PRKCA: variants seen among roughly 807,000 people sequenced by gnomAD.
The protein encoded by PRKCA is protein kinase C alpha, also known as protein kinase C alpha type.
Under a neutral mutation model 87.0 loss-of-function variants are expected in PRKCA, and 27 were observed. The observed-to-expected ratio is 0.31, with a 90% CI of 0.23 to 0.43. PRKCA has a LOEUF of 0.43. PRKCA is among the 20% of genes least tolerant of loss of function. The probability of loss-of-function intolerance (pLI) is 1.00; values close to 1 mark genes in which losing one functional copy is unlikely to be tolerated. For missense variants in PRKCA, 518 were observed against 852.3 expected (o/e 0.61, Z 4.88); for synonymous variants, 329 against 311.1 (o/e 1.06, Z -0.61).
intron 2 of PRKCA, among the ~76,000 whole-genome samples, chr17:66,369,108 A>C (rs1790450877): frequency 6.6e-6 from 1 of 152,250 alleles, no homozygotes; most frequent in Middle Eastern, 3.2e-3. Context: ...TGTTAGCCAT[A>C]ATTCAGATAA....
intron 2 of PRKCA, among the ~76,000 whole-genome samples, chr17:66,450,405 C>G (rs1012662285): frequency 5.9e-5 from 9 of 152,150 alleles, no homozygotes; most frequent in African/African-American, 1.9e-4. Context: ...GTTAGAAATG[C>G]CTTTCACAGA....
At chr17:66,737,000 C>CA (rs1280180614) in intron 10 of PRKCA, among the ~76,000 whole-genome samples, 2 of 151,970 alleles carry the variant, frequency 1.3e-5, no homozygotes, top group East Asian at 1.9e-4. Context: ...AAACAGAGGA[C>CA]AAAAAAGGAC....
chr17:66,630,577 T>C (rs1349374509), intron 3 of PRKCA, among the ~76,000 whole-genome samples: 1 of 152,218 alleles, frequency 6.6e-6, no homozygotes, highest in East Asian at 1.9e-4. Flanking sequence ...ATGTCCCAAA[T>C]AGCAGCTGTT....
chr17:66,645,635 G>C, intron 5 of PRKCA, 124 bp downstream of exon 5: 1 of 1,388,194 alleles, frequency 7.2e-7, no homozygotes, highest in East Asian at 2.3e-5. Flanking sequence ...AGTCGCCCTG[G>C]TGGAGCCATC....
In PRKCA at chr17:66,579,505, C is replaced by T. The variant is rs138325203; in HGVS notation, c.289-61850C>T. Among the ~76,000 whole-genome samples, 35 of 152,310 alleles carry T rather than the reference C, an allele frequency of 2.3e-4. No homozygotes were observed. In the East Asian group the frequency reaches 5.0e-3, roughly 22 times the overall value. On this transcript the variant is annotated intron_variant, in intron 3 of 16. Transcript: ENST00000413366. Reference sequence around the variant, plus strand: ...TGTGTTACCTCATCACGTCCTCATACGACACTGCAAGAAAGGTGCTTTTAC... The same window carrying T: ...TGTGTTACCTCATCACGTCCTCATATGACACTGCAAGAAAGGTGCTTTTAC...
chr17:66,447,729 CCCCCTGG>C (rs935583986), intron 2 of PRKCA, among the ~76,000 whole-genome samples: 1 of 152,204 alleles, frequency 6.6e-6, no homozygotes, highest in African/African-American at 2.4e-5. Flanking sequence ...GCCTCCAGGG[CCCCCTGG>C]CCCTTTGTGC....
At chr17:66,713,193 A>C (rs1973380679) in intron 8 of PRKCA, among the ~76,000 whole-genome samples, 1 of 151,872 alleles carries the variant, frequency 6.6e-6, no homozygotes, top group Admixed American at 6.6e-5. Flanking sequence ...CTGGGACTAC[A>C]GGCACGCGCC....
At chr17:66,530,630 G>T (rs150999493) in intron 3 of PRKCA, among the ~76,000 whole-genome samples, 315 of 152,140 alleles carry the variant, frequency 2.1e-3, no homozygotes, top group African/African-American at 7.3e-3. Context: ...CAAACCTTCC[G>T]TATTTTCTTA....
At chr17:66,619,640 G>T (rs1232373533) in intron 3 of PRKCA, among the ~76,000 whole-genome samples, 1 of 152,178 alleles carries the variant, frequency 6.6e-6, no homozygotes, top group African/African-American at 2.4e-5. Context: ...TGGCAATGCT[G>T]TGCAAATTCC....
At chr17:66,670,796 A>T (rs987503199) in intron 5 of PRKCA, among the ~76,000 whole-genome samples, 1 of 152,080 alleles carries the variant, frequency 6.6e-6, no homozygotes, top group African/African-American at 2.4e-5. Context: ...CAGGAGGTCA[A>T]GGCTGTAGTG....
intron 9 of PRKCA, among the ~76,000 whole-genome samples, chr17:66,733,918 G>T (rs540828376): frequency 6.6e-6 from 1 of 152,356 alleles, no homozygotes; most frequent in African/African-American, 2.4e-5. Context: ...GTCTGCAGTT[G>T]CATCACAGAA....
intron 2 of PRKCA, among the ~76,000 whole-genome samples, chr17:66,355,548 A>T (rs1567787245): frequency 6.6e-6 from 1 of 152,000 alleles, no homozygotes; most frequent in Non-Finnish European, 1.5e-5. Context: ...TTTTGTCATC[A>T]CCATGATCGT....
At chr17:66,677,155 C>T (rs556397584) in intron 5 of PRKCA, 26 of 150,352 alleles carry the variant, frequency 1.7e-4, no homozygotes, top group Admixed American at 1.3e-3. Flanking sequence ...TCTCGGCTCA[C>T]TGAAACCTCT....
At chr17:66,661,049 A>G (rs758450429) in intron 5 of PRKCA, among the ~76,000 whole-genome samples, 2 of 152,180 alleles carry the variant, frequency 1.3e-5, no homozygotes, top group Non-Finnish European at 2.9e-5. Flanking sequence ...TGAGAACCCA[A>G]GATTCTCTTT....
In PRKCA at chr17:66,590,251, T is replaced by G. The variant is rs185116084; in HGVS notation, c.289-51104T>G. Among the ~76,000 whole-genome samples, 572 of 152,152 alleles carry G rather than the reference T, an allele frequency of 3.8e-3. 3 individuals carry two copies. Among genetic ancestry groups the G allele is most frequent in the South Asian group, 7.7e-3 (37 of 4,826 alleles). On this transcript the variant is annotated intron_variant, in intron 3 of 16. Coordinates refer to ENST00000413366, the MANE Select transcript of PRKCA (RefSeq NM_002737.3). ...GGAGACAATACCCCTGGCTCCCCTC[T>G]CCACACATCAGCCCTCTGTCTGAAT...
At chr17:66,436,499 C>T (rs758591975) in intron 2 of PRKCA, among the ~76,000 whole-genome samples, 1 of 152,146 alleles carries the variant, frequency 6.6e-6, no homozygotes, top group Admixed American at 6.5e-5. Context: ...TGGTAAGTAC[C>T]CACTGAATGC....
At chr17:66,482,877 T>TA (rs1375534996) in intron 2 of PRKCA, among the ~76,000 whole-genome samples, 4 of 152,250 alleles carry the variant, frequency 2.6e-5, no homozygotes, top group African/African-American at 9.6e-5. Flanking sequence ...TTCTATTTCC[T>TA]AATTGTGATT....
At chr17:66,528,221 CAAAAA>C (rs60533049) in intron 3 of PRKCA, among the ~76,000 whole-genome samples, 142 of 85,930 alleles carry the variant, frequency 1.7e-3, no homozygotes, top group East Asian at 0.011. Flanking sequence ...AACTCTGTCT[CAAAAA>C]AAAAAAAAAA....
chr17:66,803,457 C>T lies in PRKCA; in HGVS notation c.1855-416C>T, dbSNP rs970404315. Among the ~76,000 whole-genome samples the T allele has an allele frequency of 2.6e-5, 4 of 152,198 alleles. No homozygotes were observed. Among genetic ancestry groups the T allele is most frequent in the Non-Finnish European group, 4.4e-5 (3 of 68,034 alleles). Reference sequence around the variant, plus strand: ...ACAGATGTGGGGCAGTAACTCACCCCGTCGCTTGGTCCAGGGGTAACTGCC... The same window carrying T: ...ACAGATGTGGGGCAGTAACTCACCCTGTCGCTTGGTCCAGGGGTAACTGCC... On this transcript the variant is annotated intron_variant, in intron 16 of 16. Coordinates refer to ENST00000413366, the MANE Select transcript of PRKCA (RefSeq NM_002737.3). This position sits in a 1 kb window ranked among gnomAD's most constrained non-coding sequence, Gnocchi z 4.4.
Sources: gnomAD v4.1 joint callset for allele counts (sites outside exome capture counted in the v4.1 genomes callset) on GRCh38, gnomAD v4.1.1 for gene constraint, Gnocchi (gnomAD v3.1) non-coding constraint, MANE v1.5 for transcripts, NCBI Gene and HGNC (gene_info 2026-07-23, HGNC 2026-07-21) for gene names.